Variants in MTA1 observed in about 807,000 individuals in gnomAD.
MTA1 encodes metastasis-associated protein MTA1.
In MTA1, 15 loss-of-function variants were observed where a neutral mutation model predicts 97.0. That is an observed-to-expected ratio of 0.15 (90% confidence interval 0.10 to 0.24). MTA1 has a LOEUF of 0.24. Among genes scored for constraint, MTA1 ranks in the 10% least tolerant of loss-of-function variants. MTA1 has a pLI of 1.00. For missense variants in MTA1, 709 were observed against 1,015.1 expected, an observed-to-expected ratio of 0.70 and a Z score of 4.10; for synonymous variants, 435 against 417.5, an observed-to-expected ratio of 1.04 and a Z score of -0.51.
Position 105,424,412 on chromosome 14 carries a change from A to G in MTA1, c.28+4349A>G, listed in dbSNP as rs2081947317. ...GAGACGGGGTTTCACTGTGTTAGCC[A>G]GTATGGTCTCGATCTCCTGACCTTG... On this transcript the variant is annotated intron_variant, in intron 1 of 20. Coordinates refer to ENST00000331320, the MANE Select transcript of MTA1 (RefSeq NM_004689.4). This position sits in a 1 kb window ranked among gnomAD's most constrained non-coding sequence, Gnocchi z 4.0. 6.6e-6 allele frequency among the ~76,000 whole-genome samples: 1 copy of G among 150,906 alleles called. No homozygotes were observed. The highest frequency in any genetic ancestry group is 2.4e-5 in the African/African-American group (1 of 40,952).
chr14:105,449,385 C>T lies in MTA1; in HGVS notation c.217C>T (p.Pro73Ser). The part of the protein sequence containing the change: ...ATLSVCYKAG[P>S]GADNGEEGEI... ...CCTGTCAGTCTGCTATAAGGCCGGACCGGGGGCGGACAACGGCGAGGAAGG... is the reference window on the plus strand; with the variant it reads ...CCTGTCAGTCTGCTATAAGGCCGGATCGGGGGCGGACAACGGCGAGGAAGG... Residue 73 changes from proline to serine, a missense_variant, in exon 4 of 21, where the codon CCG becomes TCG. Around this residue, in one of 2 missense-constraint regions of MTA1, gnomAD observed 321 missense variants for 593.5 expected, o/e 0.54. Transcript: ENST00000331320. 6.2e-7 allele frequency: 1 copy of T among 1,612,422 alleles called. No homozygotes were observed. The highest frequency in any genetic ancestry group is 8.5e-7 in the Non-Finnish European group (1 of 1,179,342).
At chr14:105,469,526 C>T (rs376028742) in intron 19 of MTA1, 28 bp downstream of exon 19, 28 of 1,610,608 alleles carry the variant, frequency 1.7e-5, no homozygotes, top group African/African-American at 1.6e-4. Flanking sequence ...TGATGGGGTA[C>T]GGTGCGCTCA....
chr14:105,466,617 G>T, intron 17 of MTA1, 39 bp downstream of exon 17: 2 of 1,568,532 alleles, frequency 1.3e-6, no homozygotes, highest in South Asian at 2.3e-5. Flanking sequence ...GGCCCTCCCC[G>T]CCCGGTGAGT....
rs1286182307 is a variant in MTA1 at position 105,463,581 on chromosome 14, G to A, written c.1076+30G>A. 2.5e-5 allele frequency: 40 copies of A among 1,608,952 alleles called. No individual in the cohort carries two copies. In the East Asian group the frequency reaches 4.0e-4, roughly 16 times the overall value. On this transcript the variant is annotated intron_variant, in intron 12 of 20. Coordinates refer to ENST00000331320, the MANE Select transcript of MTA1 (RefSeq NM_004689.4). This position sits in a 1 kb window ranked among gnomAD's most constrained non-coding sequence, Gnocchi z 5.9. ...GTGTGCCCTCACAGCCGTCGTCCTC[G>A]TGGCCCCGGGGGCCAGGGAGGGTGG... is the stretch of plus-strand genomic sequence containing the variant.
intron 2 of MTA1, among the ~76,000 whole-genome samples, chr14:105,444,875 G>C (rs1464852259): frequency 1.5e-4 from 23 of 152,070 alleles, no homozygotes; most frequent in African/African-American, 5.1e-4. Context: ...TCTTGCAGTA[G>C]CAAAGATGTT....
intron 7 of MTA1, 76 bp downstream of exon 7, chr14:105,454,386 G>A: frequency 9.5e-7 from 1 of 1,051,074 alleles, no homozygotes; most frequent in Non-Finnish European, 1.5e-6. Context: ...GTGAGAGGAG[G>A]CTGGGACATG....
At chr14:105,452,907 C>T (rs782235926) in intron 6 of MTA1, among the ~76,000 whole-genome samples, 16 of 152,198 alleles carry the variant, frequency 1.1e-4, no homozygotes, top group Non-Finnish European at 1.5e-4. Flanking sequence ...CTGGAAAAGA[C>T]GACCCACAGG....
At position 105,458,800 on chromosome 14, in the gene MTA1, G is replaced by A. The variant is rs1007808202; in HGVS notation, c.653+428G>A. Among the ~76,000 whole-genome samples the A allele has an allele frequency of 1.5e-4, 23 of 152,200 alleles. 1 individual carries two copies. The highest frequency in any genetic ancestry group is 3.1e-4 in the Non-Finnish European group (21 of 68,010). On this transcript the variant is annotated intron_variant, in intron 8 of 20. Transcript: ENST00000331320. ...CTTCCCTGCCAGCAGCCTGGGAGGT[G>A]GAGAAAACCCCAAAAGAAGCCCCAA...
At position 105,463,401 on chromosome 14, in the gene MTA1, G is replaced by C; in HGVS notation, c.1018-92G>C. 24 of 1,521,712 alleles carry C rather than the reference G, an allele frequency of 1.6e-5. No individual in the cohort carries two copies. The highest frequency in any genetic ancestry group is 2.2e-5 in the Non-Finnish European group (24 of 1,099,112). The allele number at this position is 1,521,712 out of a possible 1,614,324, so 94.3% of individuals were successfully genotyped here. On this transcript the variant is annotated intron_variant, in intron 11 of 20. Transcript: ENST00000331320. The surrounding 1 kb of genome is among the most constrained non-coding windows in gnomAD (Gnocchi z 5.9). ...CCCTGGCCCGGCTGTCCTCTCCGTG[G>C]TGCTCTCCTCTCCGTAGCCTCCAGC...
intron 4 of MTA1, among the ~76,000 whole-genome samples, 169 bp from the exon 5 acceptor site, chr14:105,449,889 G>A (rs114972257): frequency 0.014 from 2,065 of 152,264 alleles, 54 homozygotes; most frequent in African/African-American, 0.047. Flanking sequence ...CCAAGGAGCC[G>A]CCGGGCCGCC....
At position 105,463,855 on chromosome 14, in the gene MTA1, A is replaced by G; in HGVS notation, c.1077-177A>G. The G allele has an allele frequency of 4.3e-6, 3 of 696,854 alleles. No homozygotes were observed. The highest frequency in any genetic ancestry group is 7.6e-6 in the Non-Finnish European group (3 of 393,936). The allele number at this position is 696,854 out of a possible 1,614,324, so 43.2% of individuals were successfully genotyped here. ...CACGGGGGCCTGGAGAACGGCTCAG[A>G]CCTCAGCAGTGGCTCCCAGGAACTG... On this transcript the variant is annotated intron_variant, in intron 12 of 20. Coordinates refer to ENST00000331320, the MANE Select transcript of MTA1 (RefSeq NM_004689.4). This position sits in a 1 kb window ranked among gnomAD's most constrained non-coding sequence, Gnocchi z 5.9.
At chr14:105,438,635 G>A (rs782684398) in intron 1 of MTA1, 37 bp from the exon 2 acceptor site, 27 of 1,606,314 alleles carry the variant, frequency 1.7e-5, no homozygotes, top group Non-Finnish European at 2.2e-5. Context: ...CTGGCCTTTG[G>A]TGCCACAGGT....
At chr14:105,443,463 C>G (rs1241858898) in intron 2 of MTA1, among the ~76,000 whole-genome samples, 1 of 152,156 alleles carries the variant, frequency 6.6e-6, no homozygotes, top group Non-Finnish European at 1.5e-5. Context: ...CCTTGACCTC[C>G]CAGGCCCAAG....
At chr14:105,466,912 G>C (rs2083615128) in intron 18 of MTA1, 170 bp downstream of exon 18, 2 of 689,482 alleles carry the variant, frequency 2.9e-6, no homozygotes, top group Admixed American at 6.2e-5. Flanking sequence ...CTGGTCCCTT[G>C]GTGAAGACCC....
intron 1 of MTA1, among the ~76,000 whole-genome samples, chr14:105,436,759 G>C (rs2082337463): frequency 6.6e-6 from 1 of 152,138 alleles, no homozygotes; most frequent in Non-Finnish European, 1.5e-5. Flanking sequence ...GCATTGTTTT[G>C]AATTTAATTT....
At position 105,454,291 on chromosome 14, in the gene MTA1, C is replaced by T; in HGVS notation, c.531C>T (p.Ile177=). The T allele has an allele frequency of 6.2e-7, 1 of 1,613,320 alleles. No homozygotes were observed. The highest frequency in any genetic ancestry group is 8.5e-7 in the Non-Finnish European group (1 of 1,179,472). ...IRVGNRYQAD[I]TDLLKEGEED... ...TAGGAAACCGGTACCAGGCAGACATCACCGACTTGTTAAAAGAAGGTAGGG... is the reference window on the plus strand; with the variant it reads ...TAGGAAACCGGTACCAGGCAGACATTACCGACTTGTTAAAAGAAGGTAGGG... Residue 177 remains isoleucine (I), a synonymous_variant, in exon 7 of 21, where the codon ATC becomes ATT. Coordinates refer to ENST00000331320, the MANE Select transcript of MTA1 (RefSeq NM_004689.4).
chr14:105,463,781 C>A lies in MTA1; in HGVS notation c.1076+230C>A. On this transcript the variant is annotated intron_variant, in intron 12 of 20. Transcript: ENST00000331320. This position sits in a 1 kb window ranked among gnomAD's most constrained non-coding sequence, Gnocchi z 5.9. ...AGTAAGGGGGCATTGGGATTCCAGC[C>A]CACACCGCCAGGGTTCAGTCCCTGA... 1.6e-6 allele frequency: 1 copy of A among 621,332 alleles called. No individual in the cohort carries two copies. The allele number at this position is 621,332 out of a possible 1,614,324, so 38.5% of individuals were successfully genotyped here.
intron 7 of MTA1, among the ~76,000 whole-genome samples, chr14:105,457,861 G>T (rs2083210812): frequency 6.6e-6 from 1 of 152,050 alleles, no homozygotes; most frequent in Admixed American, 6.6e-5. Flanking sequence ...GGAGGCGGAG[G>T]TTGTAGTGAG....
intron 6 of MTA1, among the ~76,000 whole-genome samples, chr14:105,453,442 G>A (rs192729793): frequency 3.9e-5 from 6 of 152,378 alleles, no homozygotes; most frequent in African/African-American, 7.2e-5. Context: ...CCCAGGAGGC[G>A]GAGGCCACAG....
Sources: gnomAD v4.1 joint callset for allele counts (sites outside exome capture counted in the v4.1 genomes callset) on GRCh38, gnomAD v4.1.1 for gene constraint, gnomAD v4.1.1 regional missense constraint, Gnocchi (gnomAD v3.1) non-coding constraint, MANE v1.5 for transcripts, NCBI Gene and HGNC (gene_info 2026-07-23, HGNC 2026-07-21) for gene names.